Variants in SLC22A23 observed in about 807,000 individuals in gnomAD.
SLC22A23 encodes the protein ion transporter protein.
SLC22A23 carries 26 observed loss-of-function variants against 61.0 expected under a neutral mutation model. The ratio of observed to expected loss-of-function variants is 0.43; its 90% CI spans 0.31 to 0.59. The LOEUF (loss-of-function observed/expected upper bound fraction) is 0.59, where lower values mean the gene tolerates loss of function less well. SLC22A23 is among the 20% of genes least tolerant of loss of function. The pLI is 0.11. For synonymous variants in SLC22A23, 430 were observed against 413.9 expected (o/e 1.04, Z -0.47); for missense variants, 796 against 934.7 (o/e 0.85, Z 1.94).
chr6:3,277,926 G>A (rs1759063636), intron 9 of SLC22A23, among the ~76,000 whole-genome samples: 1 of 152,244 alleles, frequency 6.6e-6, no homozygotes, highest in Non-Finnish European at 1.5e-5. Flanking sequence ...TTGACGAAGC[G>A]AGCTGCCTTG....
At chr6:3,300,298 C>T (rs1761503913) in intron 4 of SLC22A23, among the ~76,000 whole-genome samples, 1 of 152,080 alleles carries the variant, frequency 6.6e-6, no homozygotes, top group African/African-American at 2.4e-5. Flanking sequence ...CATGAGCCAC[C>T]GTGCCCGGAC....
chr6:3,445,965 G>A (rs1165146215), intron 1 of SLC22A23, among the ~76,000 whole-genome samples: 1 of 152,130 alleles, frequency 6.6e-6, no homozygotes, highest in Admixed American at 6.5e-5. Context: ...TGTCTCTCGG[G>A]CCTGTGGTGT....
chr6:3,443,097 T>C (rs1199255611), intron 1 of SLC22A23, among the ~76,000 whole-genome samples: 2 of 152,214 alleles, frequency 1.3e-5, no homozygotes, highest in Non-Finnish European at 2.9e-5. Context: ...TTTTGCTTTT[T>C]ACCAAAAGAA....
rs1770555449 is a variant in SLC22A23 at position 3,427,201 on chromosome 6, G to A, written c.655-11346C>T. Among the ~76,000 whole-genome samples the A allele has an allele frequency of 6.6e-6, 1 of 152,132 alleles. No homozygotes were observed. Among genetic ancestry groups the A allele is most frequent in the Admixed American group, 6.6e-5 (1 of 15,266 alleles). ...AGGAGTCGCAAAACCTTCACCAGAG[G>A]GTTGTTACAAGAGTCAAAAATAACA... On this transcript the variant is annotated intron_variant, in intron 1 of 9. Transcript: ENST00000406686. This position sits in a 1 kb window ranked among gnomAD's most constrained non-coding sequence, Gnocchi z 4.3.
chr6:3,321,991 G>A (rs917331947), intron 4 of SLC22A23, among the ~76,000 whole-genome samples: 8 of 152,142 alleles, frequency 5.3e-5, no homozygotes, highest in Admixed American at 2.0e-4. Flanking sequence ...TAATGAGCAA[G>A]TATTTATTGC....
In SLC22A23 at chr6:3,373,351, GC is replaced by G. The variant is rs376291158; in HGVS notation, c.913+36836del. On this transcript the variant is annotated intron_variant, in intron 3 of 9. Coordinates refer to ENST00000406686, the MANE Select transcript of SLC22A23 (RefSeq NM_015482.2). Reference sequence around the variant, plus strand: ...GTTTCCTCTGGACTTTGCCCCATCTGCTTTTCCCCTTTGCTGATTTTGCTCT... The same window carrying G: ...GTTTCCTCTGGACTTTGCCCCATCTGTTTTCCCCTTTGCTGATTTTGCTCT... 2.5e-3 allele frequency among the ~76,000 whole-genome samples: 385 copies of G among 152,336 alleles called. 1 individual carries two copies. Among genetic ancestry groups the G allele is most frequent in the African/African-American group, 8.9e-3 (372 of 41,584 alleles).
At chr6:3,310,151 T>C (rs1762266701) in intron 4 of SLC22A23, among the ~76,000 whole-genome samples, 1 of 152,142 alleles carries the variant, frequency 6.6e-6, no homozygotes, top group Admixed American at 6.5e-5. Context: ...TTTCTCTGTG[T>C]TTTCTTAATA....
chr6:3,395,545 A>C (rs72844624), intron 3 of SLC22A23, among the ~76,000 whole-genome samples: 15,025 of 152,244 alleles, frequency 0.099, 837 homozygotes, highest in Non-Finnish European at 0.12. Flanking sequence ...TAATGCCACA[A>C]ATCTAACTTT....
intron 2 of SLC22A23, among the ~76,000 whole-genome samples, chr6:3,415,384 C>A (rs1339902870): frequency 6.6e-6 from 1 of 152,176 alleles, no homozygotes. Flanking sequence ...GCTTCCCCAT[C>A]CCCTATTTTT....
intron 3 of SLC22A23, among the ~76,000 whole-genome samples, chr6:3,394,945 G>A (rs1225561661): frequency 6.6e-6 from 1 of 152,114 alleles, no homozygotes; most frequent in African/African-American, 2.4e-5. Context: ...GCAGGGGGCA[G>A]GTCTAAACCA....
chr6:3,376,525 C>A (rs1250522336), intron 3 of SLC22A23, among the ~76,000 whole-genome samples: 1 of 152,150 alleles, frequency 6.6e-6, no homozygotes, highest in Non-Finnish European at 1.5e-5. Flanking sequence ...ACCTCCCTCT[C>A]GAGTCCTTCC....
Position 3,343,601 on chromosome 6 carries a change from A to T in SLC22A23, c.914-19599T>A, listed in dbSNP as rs541198832. On this transcript the variant is annotated intron_variant, in intron 3 of 9. Transcript: ENST00000406686. ...GACCAGCTCTTAACAAGCTAAGCTTATCAATGAGGGCTCTCTCCCATGTTT... is the reference window on the plus strand; with the variant it reads ...GACCAGCTCTTAACAAGCTAAGCTTTTCAATGAGGGCTCTCTCCCATGTTT... Among the ~76,000 whole-genome samples, 143 of 152,252 alleles carry T rather than the reference A, an allele frequency of 9.4e-4. 3 individuals are homozygous for T. Among genetic ancestry groups the T allele is most frequent in the Admixed American group, 1.0e-3 (16 of 15,286 alleles).
At chr6:3,396,564 A>C (rs774357526) in intron 3 of SLC22A23, among the ~76,000 whole-genome samples, 2 of 152,086 alleles carry the variant, frequency 1.3e-5, no homozygotes, top group Non-Finnish European at 2.9e-5. Context: ...AAAACAAAAC[A>C]ACAACAACAA....
At chr6:3,358,279 G>A (rs923986531) in intron 3 of SLC22A23, among the ~76,000 whole-genome samples, 4 of 138,478 alleles carry the variant, frequency 2.9e-5, no homozygotes, top group South Asian at 2.4e-4. Flanking sequence ...GCGCTCCCAC[G>A]TTCACTGCAG....
At chr6:3,426,723 C>G (rs943157819) in intron 1 of SLC22A23, among the ~76,000 whole-genome samples, 10 of 152,054 alleles carry the variant, frequency 6.6e-5, no homozygotes, top group African/African-American at 2.4e-4. Context: ...AACCGTGGAT[C>G]TAAATGATGA....
At chr6:3,442,836 TA>T in intron 1 of SLC22A23, among the ~76,000 whole-genome samples, 1 of 151,990 alleles carries the variant, frequency 6.6e-6, no homozygotes, top group South Asian at 2.1e-4. Flanking sequence ...AAACACCTGA[TA>T]AACACTTAAC....
chr6:3,412,006 T>G (rs4959825), intron 2 of SLC22A23, among the ~76,000 whole-genome samples: 2 of 152,016 alleles, frequency 1.3e-5, no homozygotes, highest in Non-Finnish European at 2.9e-5. Context: ...CCCTTGACTT[T>G]CCTGGTCTGT....
intron 3 of SLC22A23, among the ~76,000 whole-genome samples, chr6:3,395,379 C>T (rs1359387601): frequency 2.0e-5 from 3 of 152,110 alleles, no homozygotes; most frequent in Non-Finnish European, 4.4e-5. Context: ...TGAGCCTGAG[C>T]GTCAGGCAGG....
chr6:3,376,417 T>A (rs1487048593), intron 3 of SLC22A23, among the ~76,000 whole-genome samples: 2 of 152,092 alleles, frequency 1.3e-5, no homozygotes, highest in African/African-American at 4.8e-5. Flanking sequence ...GCACCTTCCC[T>A]CTGCCTGCCC....
Sources: gnomAD v4.1 joint callset for allele counts (sites outside exome capture counted in the v4.1 genomes callset) on GRCh38, gnomAD v4.1.1 for gene constraint, Gnocchi (gnomAD v3.1) non-coding constraint, MANE v1.5 for transcripts, NCBI Gene and HGNC (gene_info 2026-07-23, HGNC 2026-07-21) for gene names.